EXOC6: variants seen among roughly 807,000 people sequenced by gnomAD.
EXOC6 encodes the protein exocyst complex component 6, also known as SEC15-like 1.
In EXOC6, 60 loss-of-function variants were observed where a neutral mutation model predicts 112.5. The observed-to-expected ratio is 0.53, with a 90% CI of 0.43 to 0.66. EXOC6 has a LOEUF of 0.66. Ranked by LOEUF, EXOC6 falls within the 30% of genes least tolerant of loss-of-function variation. EXOC6 has a pLI of 0.00. For missense variants in EXOC6, 855 were observed against 957.1 expected (o/e 0.89, Z 1.41); for synonymous variants, 295 against 308.0 (o/e 0.96, Z 0.44).
chr10:93,042,127 C>T lies in EXOC6; in HGVS notation c.2170-14797C>T, dbSNP rs551174003. On this transcript the variant is annotated intron_variant, in intron 20 of 21. Transcript: ENST00000260762. ...CAGCCTGTCTTATACTACCCCCTTACTCATATTTCAGTTTAGCAGCACTAA... is the reference window on the plus strand; with the variant it reads ...CAGCCTGTCTTATACTACCCCCTTATTCATATTTCAGTTTAGCAGCACTAA... 9.2e-5 allele frequency among the ~76,000 whole-genome samples: 14 copies of T among 152,336 alleles called. No individual in the cohort carries two copies. The South Asian group carries it at 1.7e-3, about 18-fold the overall frequency.
At chr10:92,975,790 T>A (rs1260173100) in intron 18 of EXOC6, among the ~76,000 whole-genome samples, 11 of 77,598 alleles carry the variant, frequency 1.4e-4, no homozygotes, top group African/African-American at 1.6e-4. Flanking sequence ...GGGAGGGAGG[T>A]GGGGGGGTCA....
rs200297922 is a variant in EXOC6, at chr10:92,893,400, A to G, written c.153A>G (p.Leu51=). The change falls in exon 2 of 22, where the codon TTA becomes TTG. Residue 51 remains leucine, a synonymous_variant. Transcript: ENST00000260762. ...PNAHKKFMEK[L]DACIRNHDKE... Reference sequence around the variant, plus strand: ...CGCACAAGAAGTTTATGGAAAAGTTAGATGCTTGTATCCGTAATCATGACA... The same window carrying G: ...CGCACAAGAAGTTTATGGAAAAGTTGGATGCTTGTATCCGTAATCATGACA... The G allele has an allele frequency of 2.5e-6, 4 of 1,612,968 alleles. No homozygotes were observed. In the Middle Eastern group the frequency reaches 6.6e-4, roughly 267 times the overall value.
chr10:92,860,740 G>T (rs1472770309), intron 1 of EXOC6, among the ~76,000 whole-genome samples: 2 of 152,122 alleles, frequency 1.3e-5, no homozygotes, highest in Non-Finnish European at 2.9e-5. Context: ...ATTTCACTAA[G>T]CATAATGTCC....
intron 15 of EXOC6, among the ~76,000 whole-genome samples, chr10:92,953,396 A>C (rs2134013197): frequency 6.6e-6 from 1 of 152,274 alleles, no homozygotes; most frequent in South Asian, 2.1e-4. Flanking sequence ...TTTTAAAAGT[A>C]GTATTTTAAT....
upstream of EXOC6, among the ~76,000 whole-genome samples, chr10:92,830,861 C>T (rs1424759473): frequency 6.6e-6 from 1 of 152,158 alleles, no homozygotes; most frequent in African/African-American, 2.4e-5. Context: ...TGGGAACATT[C>T]CAGTCACACA....
intron 20 of EXOC6, among the ~76,000 whole-genome samples, chr10:93,019,437 C>G (rs1186318222): frequency 6.6e-6 from 1 of 152,190 alleles, no homozygotes; most frequent in Non-Finnish European, 1.5e-5. Flanking sequence ...TTACTTTTCT[C>G]TCTAGATGAT....
chr10:93,011,113 TC>T (rs1844221836), intron 19 of EXOC6, among the ~76,000 whole-genome samples: 1 of 151,952 alleles, frequency 6.6e-6, no homozygotes. Context: ...TCATAGAAAG[TC>T]TTTATTTATG....
chr10:92,948,554 T>TTAC (rs1410408143), intron 14 of EXOC6, among the ~76,000 whole-genome samples, 175 bp downstream of exon 14: 1,856 of 126,150 alleles, frequency 0.015, 46 homozygotes, highest in African/African-American at 0.051. Flanking sequence ...GAGTATGTTA[T>TTAC]TACTACTACT....
intron 1 of EXOC6, among the ~76,000 whole-genome samples, chr10:92,860,582 C>G (rs1847867177): frequency 6.6e-6 from 1 of 152,090 alleles, no homozygotes; most frequent in Non-Finnish European, 1.5e-5. Context: ...TTTTATCTTC[C>G]CAAGCTGAAA....
chr10:92,973,142 C>T (rs1046359872), intron 17 of EXOC6, among the ~76,000 whole-genome samples: 9 of 152,144 alleles, frequency 5.9e-5, no homozygotes, highest in Non-Finnish European at 1.2e-4. Context: ...TAAAGACATC[C>T]CTGTAAATAG....
chr10:92,837,137 A>C (rs924097042), intron 1 of EXOC6, among the ~76,000 whole-genome samples: 4 of 67,048 alleles, frequency 6.0e-5, no homozygotes, highest in Non-Finnish European at 1.1e-4. Flanking sequence ...CACACACACA[A>C]GCCAGAACAA....
intron 20 of EXOC6, among the ~76,000 whole-genome samples, chr10:93,030,559 T>C (rs1845226281): frequency 6.6e-6 from 1 of 152,108 alleles, no homozygotes; most frequent in African/African-American, 2.4e-5. Flanking sequence ...AAGATTTAAT[T>C]GAGAAATTAA....
chr10:92,839,457 T>C (rs1449324394), intron 1 of EXOC6, among the ~76,000 whole-genome samples: 1 of 152,192 alleles, frequency 6.6e-6, no homozygotes, highest in African/African-American at 2.4e-5. Context: ...TTCAATGCAT[T>C]GGGAATGGTT....
At chr10:92,875,275 T>G (rs1394713015) in intron 1 of EXOC6, among the ~76,000 whole-genome samples, 1 of 152,190 alleles carries the variant, frequency 6.6e-6, no homozygotes, top group Non-Finnish European at 1.5e-5. Context: ...CCTCCTCCTT[T>G]CTCTACCAAT....
intron 12 of EXOC6, among the ~76,000 whole-genome samples, chr10:92,940,389 C>T (rs1852588522): frequency 6.6e-6 from 1 of 152,128 alleles, no homozygotes; most frequent in African/African-American, 2.4e-5. Context: ...TATCCTTGGG[C>T]ACCACTTCCC....
chr10:93,001,510 A>G (rs987444016), intron 19 of EXOC6, among the ~76,000 whole-genome samples: 1 of 152,200 alleles, frequency 6.6e-6, no homozygotes, highest in Admixed American at 6.5e-5. Flanking sequence ...CCACCAGTCT[A>G]TATTGTGTTT....
chr10:92,988,874 A>G (rs984377868), intron 18 of EXOC6, among the ~76,000 whole-genome samples: 2 of 151,412 alleles, frequency 1.3e-5, no homozygotes, highest in Non-Finnish European at 2.9e-5. Flanking sequence ...TGTGCATCCA[A>G]ACTGGCATAT....
chr10:92,953,881 A>C (rs1260015157), intron 15 of EXOC6, among the ~76,000 whole-genome samples: 1 of 152,236 alleles, frequency 6.6e-6, no homozygotes, highest in Admixed American at 6.5e-5. Flanking sequence ...TAACTTAGTT[A>C]TATTAAAAAT....
chr10:92,965,720 T>A (rs1330116500), intron 17 of EXOC6, among the ~76,000 whole-genome samples: 1 of 152,174 alleles, frequency 6.6e-6, no homozygotes, highest in Non-Finnish European at 1.5e-5. Flanking sequence ...ATTGAAAGCC[T>A]TTTCTATCTT....
Sources: gnomAD v4.1 joint callset for allele counts (sites outside exome capture counted in the v4.1 genomes callset) on GRCh38, gnomAD v4.1.1 for gene constraint, MANE v1.5 for transcripts, NCBI Gene and HGNC (gene_info 2026-07-23, HGNC 2026-07-21) for gene names.